Variants in AP3D1 observed in about 807,000 individuals in gnomAD.
AP3D1 encodes the protein AP-3 complex subunit delta-1.
A neutral mutation model predicts 147.6 loss-of-function variants in AP3D1; 51 were observed. The observed-to-expected ratio is 0.35, with a 90% CI of 0.28 to 0.44. The LOEUF (loss-of-function observed/expected upper bound fraction) is 0.44, where lower values mean the gene tolerates loss of function less well. Ranked by LOEUF, AP3D1 falls within the 20% of genes least tolerant of loss-of-function variation. The pLI is 1.00. For missense variants in AP3D1, 1,421 were observed against 1,624.2 expected (o/e 0.87, Z 2.15); for synonymous variants, 760 against 663.0 (o/e 1.15, Z -2.25).
chr19:2,106,071 C>A (rs1040275929), intron 31 of AP3D1, among the ~76,000 whole-genome samples: 1 of 151,804 alleles, frequency 6.6e-6, no homozygotes, highest in African/African-American at 2.4e-5. Flanking sequence ...CCAGCCTGGG[C>A]GACAGAGCGA....
In AP3D1 at chr19:2,151,398, G is replaced by T; in HGVS notation, c.-64C>A. On this transcript the variant is annotated 5_prime_UTR_variant, in exon 1 of 32. Transcript: ENST00000643116. Reference sequence around the variant, plus strand: ...GCTGGGCGCCGTGAGGGGGCCCGGGGCCCGTGCCTGCCGCCCGCGGAGCGC... The same window carrying T: ...GCTGGGCGCCGTGAGGGGGCCCGGGTCCCGTGCCTGCCGCCCGCGGAGCGC... The T allele has an allele frequency of 9.2e-7, 1 of 1,082,258 alleles. No homozygotes were observed. Among genetic ancestry groups the T allele is most frequent in the Non-Finnish European group, 1.2e-6 (1 of 853,572 alleles). 67.0% of individuals were successfully genotyped at this position (1,082,258 alleles called of 1,614,324 possible). A position where few individuals can be genotyped will look rare whatever the true frequency, so the allele number is the denominator to read the frequency against.
Position 2,115,270 on chromosome 19 carries a change from C to T in AP3D1, c.2298G>A (p.Glu766=), listed in dbSNP as rs1260028966. The T allele has an allele frequency of 6.2e-7, 1 of 1,613,502 alleles. No homozygotes were observed. The highest frequency in any genetic ancestry group is 8.5e-7 in the Non-Finnish European group (1 of 1,179,986). ...RHSSLPTESD[E]DIAPAQQVDI... Reference sequence around the variant, plus strand: ...CCACCTGCTGGGCAGGGGCGATGTCCTCGTCGCTCTCCGTGGGCAGCGAGC... The same window carrying T: ...CCACCTGCTGGGCAGGGGCGATGTCTTCGTCGCTCTCCGTGGGCAGCGAGC... The change falls in exon 20 of 32, where the codon GAG becomes GAA. Residue 766 remains glutamate (E), a synonymous_variant. Coordinates refer to ENST00000643116, the MANE Select transcript of AP3D1 (RefSeq NM_001261826.3).
At chr19:2,123,167 C>T (rs748047601) in intron 11 of AP3D1, among the ~76,000 whole-genome samples, 191 bp downstream of exon 11, 4 of 152,220 alleles carry the variant, frequency 2.6e-5, no homozygotes, top group East Asian at 3.9e-4. Context: ...AGCCACCCCA[C>T]GCAGATAGGT....
intron 1 of AP3D1, among the ~76,000 whole-genome samples, chr19:2,139,076 A>AG (rs1568303691): frequency 7.0e-6 from 1 of 143,562 alleles, no homozygotes; most frequent in East Asian, 2.1e-4. Context: ...AAAAAAAAAA[A>AG]AAAAAAAAAA....
In AP3D1 at chr19:2,111,836, A is replaced by T. The variant is rs762602190; in HGVS notation, c.2788-8T>A. ...CTTAGGCTTGGGAGATTTCTGGAGC[A>T]AGAGGAGGGTCGGGTTCAGTGCCCA... On this transcript the variant is annotated splice_region_variant and splice_polypyrimidine_tract_variant and intron_variant, in intron 24 of 31. Transcript: ENST00000643116. 4 of 1,613,574 alleles carry T rather than the reference A, an allele frequency of 2.5e-6. No individual in the cohort carries two copies. The highest frequency in any genetic ancestry group is 3.4e-6 in the Non-Finnish European group (4 of 1,179,944).
chr19:2,134,056 C>T (rs969592875), intron 4 of AP3D1, among the ~76,000 whole-genome samples: 1 of 151,642 alleles, frequency 6.6e-6, no homozygotes, highest in Non-Finnish European at 1.5e-5. Context: ...TGCAGTGAGC[C>T]GACATTGTAC....
At chr19:2,125,645 G>T (rs72983442) in intron 9 of AP3D1, among the ~76,000 whole-genome samples, 1 of 152,054 alleles carries the variant, frequency 6.6e-6, no homozygotes, top group Non-Finnish European at 1.5e-5. Context: ...TATAAAAGTA[G>T]ATGGTAATTT....
At chr19:2,129,956 C>T (rs188305274) in intron 6 of AP3D1, among the ~76,000 whole-genome samples, 5 of 152,202 alleles carry the variant, frequency 3.3e-5, no homozygotes, top group African/African-American at 7.2e-5. Flanking sequence ...GCCTGCCACA[C>T]GCCAGAGGCT....
At chr19:2,137,628 T>G (rs2019111384) in intron 3 of AP3D1, 99 bp downstream of exon 3, 3 of 1,054,998 alleles carry the variant, frequency 2.8e-6, no homozygotes, top group African/African-American at 3.1e-5. Flanking sequence ...AGAGCTAGAC[T>G]CTGTCTCAAG....
intron 14 of AP3D1, among the ~76,000 whole-genome samples, chr19:2,120,118 T>G (rs1327513951): frequency 1.3e-5 from 2 of 151,570 alleles, no homozygotes; most frequent in African/African-American, 4.9e-5. Context: ...CGGCCAGTGG[T>G]GGTGATGGGG....
In AP3D1 at chr19:2,151,300, C is replaced by A; in HGVS notation, c.35G>T (p.Arg12Leu). Reference protein sequence around the residue: ...ALKMVKGSIDRMFDKNLQDLV... With the variant: ...ALKMVKGSIDLMFDKNLQDLV... ...GTCCTGCAGATTCTTGTCGAACATG[C>A]GGTCGATGCTGCCCTTCACCATCTT... The change falls in exon 1 of 32, where the codon CGC (arginine) becomes CTC (leucine). Residue 12 changes from arginine to leucine, a missense_variant. Arg to Leu is a moderately radical substitution (Grantham distance 102). Around this residue, in one of 6 missense-constraint regions of AP3D1, gnomAD observed 292 missense variants for 412.0 expected, o/e 0.71. Coordinates refer to ENST00000643116, the MANE Select transcript of AP3D1 (RefSeq NM_001261826.3). 6.2e-7 allele frequency: 1 copy of A among 1,611,358 alleles called. No homozygotes were observed. Among genetic ancestry groups the A allele is most frequent in the Non-Finnish European group, 8.5e-7 (1 of 1,178,624 alleles).
chr19:2,126,849 C>T (rs1232300058), intron 9 of AP3D1, among the ~76,000 whole-genome samples: 1 of 152,076 alleles, frequency 6.6e-6, no homozygotes, highest in Non-Finnish European at 1.5e-5. Flanking sequence ...TGAGGAGGGG[C>T]TTTATCTGCA....
At chr19:2,129,482 G>C (rs2018875195) in intron 6 of AP3D1, 25 bp from the exon 7 acceptor site, 2 of 1,606,246 alleles carry the variant, frequency 1.2e-6, no homozygotes, top group African/African-American at 2.7e-5. Context: ...GTTCTCATCA[G>C]CATGCCTGTC....
chr19:2,106,330 C>T (rs2018110447), intron 31 of AP3D1, among the ~76,000 whole-genome samples: 1 of 152,028 alleles, frequency 6.6e-6, no homozygotes, highest in South Asian at 2.1e-4. Context: ...AGGCAGATCA[C>T]CCGGGGTCAG....
At chr19:2,111,020 G>A (rs1424866166) in intron 26 of AP3D1, 124 bp from the exon 27 acceptor site, 19 of 1,152,848 alleles carry the variant, frequency 1.6e-5, no homozygotes, top group Admixed American at 4.8e-5. Context: ...GCACGGAGAG[G>A]GGCGCCCCCT....
At chr19:2,136,014 G>C (rs113993010) in intron 4 of AP3D1, among the ~76,000 whole-genome samples, 7 of 150,658 alleles carry the variant, frequency 4.6e-5, no homozygotes, top group Non-Finnish European at 1.0e-4. Flanking sequence ...CCCGCTACAC[G>C]GCCACGACCC....
intron 25 of AP3D1, 33 bp downstream of exon 25, chr19:2,111,646 G>A (rs554350898): frequency 3.0e-5 from 47 of 1,556,012 alleles, no homozygotes; most frequent in African/African-American, 9.5e-5. Context: ...CAGGAACCCC[G>A]GCGTGGGGCG....
chr19:2,132,458 C>T lies in AP3D1; in HGVS notation c.462+13G>A, dbSNP rs1364676377. The T allele has an allele frequency of 6.3e-7, 1 of 1,592,902 alleles. No individual in the cohort carries two copies. The highest frequency in any genetic ancestry group is 1.3e-5 in the African/African-American group (1 of 74,572). Reference sequence around the variant, plus strand: ...CAGACATGCAGGGGTGGTGGGCAGGCTTACAAACTCACCAGTGTCATGATG... The same window carrying T: ...CAGACATGCAGGGGTGGTGGGCAGGTTTACAAACTCACCAGTGTCATGATG... On this transcript the variant is annotated intron_variant, in intron 5 of 31. Transcript: ENST00000643116.
chr19:2,139,424 T>G (rs773375944), intron 1 of AP3D1, among the ~76,000 whole-genome samples: 23 of 152,214 alleles, frequency 1.5e-4, no homozygotes, highest in Non-Finnish European at 2.8e-4. Flanking sequence ...CCCCTGGGCC[T>G]GCTCACTAAC....
Sources: gnomAD v4.1 joint callset for allele counts (sites outside exome capture counted in the v4.1 genomes callset) on GRCh38, gnomAD v4.1.1 for gene constraint, gnomAD v4.1.1 regional missense constraint, MANE v1.5 for transcripts, NCBI Gene and HGNC (gene_info 2026-07-23, HGNC 2026-07-21) for gene names.